MRPS10: variants seen among roughly 807,000 people sequenced by gnomAD.
MRPS10 encodes mitochondrial ribosomal protein S10.
Under a neutral mutation model 27.5 loss-of-function variants are expected in MRPS10, and 23 were observed. That is an observed-to-expected ratio of 0.84 (90% CI 0.60 to 1.18). The LOEUF is 1.18. MRPS10 is among the 50% of genes most tolerant of loss of function. The pLI is 0.00. For synonymous variants in MRPS10, 88 were observed against 84.2 expected, an observed-to-expected ratio of 1.04 and a Z score of -0.25; for missense variants, 237 against 240.1, an observed-to-expected ratio of 0.99 and a Z score of 0.09.
chr6:42,213,009 G>A (rs1236810287), intron 3 of MRPS10, among the ~76,000 whole-genome samples: 1 of 152,184 alleles, frequency 6.6e-6, no homozygotes, highest in African/African-American at 2.4e-5. Flanking sequence ...TTTCCCACAG[G>A]GCAACAAGTG....
chr6:42,208,034 C>T lies in MRPS10; in HGVS notation c.*255G>A. 1 of 459,132 alleles carries T rather than the reference C, an allele frequency of 2.2e-6. No homozygotes were observed. Among genetic ancestry groups the T allele is most frequent in the Admixed American group, 4.4e-5 (1 of 22,480 alleles). The allele number at this position is 459,132 out of a possible 1,614,324, so 28.4% of individuals were successfully genotyped here. Reference sequence around the variant, plus strand: ...GTAGCGTAACAAAATAGAATTTTCACTCTTTCTGCTTTCAGTCAAAGTGGT... The same window carrying T: ...GTAGCGTAACAAAATAGAATTTTCATTCTTTCTGCTTTCAGTCAAAGTGGT... On this transcript the variant is annotated 3_prime_UTR_variant, in exon 7 of 7. Coordinates refer to ENST00000053468, the MANE Select transcript of MRPS10 (RefSeq NM_018141.4).
chr6:42,216,385 A>AGAGAGAGAGTGTGTGTGT, intron 1 of MRPS10, among the ~76,000 whole-genome samples: 1 of 58,698 alleles, frequency 1.7e-5, no homozygotes, highest in African/African-American at 4.4e-5. Flanking sequence ...AGAGAGAGAG[A>AGAGAGAGAGTGTGTGTGT]GTGTGTGTGT....
rs1235211889 is a variant in MRPS10 at position 42,207,924 on chromosome 6, A to T, written c.*365T>A. ...CCTTCTAGGAATCTTAAAAAAAAAT[A>T]AGGGTACGAACACTCCAAGCACTTA... is the stretch of plus-strand genomic sequence containing the variant. On this transcript the variant is annotated 3_prime_UTR_variant, in exon 7 of 7. Coordinates refer to ENST00000053468, the MANE Select transcript of MRPS10 (RefSeq NM_018141.4). The T allele has an allele frequency of 2.2e-5, 4 of 181,176 alleles. No homozygotes were observed. The South Asian group carries it at 3.9e-4, about 17-fold the overall frequency. The allele number at this position is 181,176 out of a possible 1,614,324, so 11.2% of individuals were successfully genotyped here.
chr6:42,210,703 T>A, intron 4 of MRPS10, 107 bp from the exon 5 acceptor site: 1 of 1,449,924 alleles, frequency 6.9e-7, no homozygotes, highest in Non-Finnish European at 9.2e-7. Flanking sequence ...AACTACCATT[T>A]ACAGACTTCC....
At chr6:42,212,066 T>C (rs1320412446) in intron 3 of MRPS10, 149 bp from the exon 4 acceptor site, 1 of 674,450 alleles carries the variant, frequency 1.5e-6, no homozygotes, top group African/African-American at 1.8e-5. Flanking sequence ...CTGAAGTGTC[T>C]AGATACTTTC....
chr6:42,217,101 TCA>T (rs1323975024), intron 1 of MRPS10, among the ~76,000 whole-genome samples: 1 of 152,238 alleles, frequency 6.6e-6, no homozygotes, highest in East Asian at 1.9e-4. Context: ...TGCTCCTTAC[TCA>T]GTTTGTTCAG....
intron 3 of MRPS10, among the ~76,000 whole-genome samples, chr6:42,212,240 G>C (rs1768801201): frequency 6.6e-6 from 1 of 152,202 alleles, no homozygotes; most frequent in African/African-American, 2.4e-5. Context: ...TGCTAGTAAA[G>C]AGCCTGGGCA....
At chr6:42,208,570 C>T (rs1768677538) in intron 6 of MRPS10, among the ~76,000 whole-genome samples, 198 bp from the exon 7 acceptor site, 1 of 152,160 alleles carries the variant, frequency 6.6e-6, no homozygotes, top group African/African-American at 2.4e-5. Flanking sequence ...ATTTGATCCT[C>T]AATGATCTTC....
intron 3 of MRPS10, among the ~76,000 whole-genome samples, chr6:42,213,136 A>G (rs1284740964): frequency 6.6e-6 from 1 of 152,184 alleles, no homozygotes; most frequent in Non-Finnish European, 1.5e-5. Context: ...CTGGGGCTTA[A>G]ATGTACTATC....
chr6:42,210,018 G>C (rs1325702607), intron 5 of MRPS10, among the ~76,000 whole-genome samples: 3 of 152,168 alleles, frequency 2.0e-5, no homozygotes, highest in East Asian at 3.8e-4. Flanking sequence ...CAGCTGTTAA[G>C]AGACAGGACC....
chr6:42,208,032 C>T lies in MRPS10; in HGVS notation c.*257G>A. 1 of 453,162 alleles carries T rather than the reference C, an allele frequency of 2.2e-6. No homozygotes were observed. Among genetic ancestry groups the T allele is most frequent in the South Asian group, 3.0e-5 (1 of 33,712 alleles). 28.1% of individuals were successfully genotyped at this position (453,162 alleles called of 1,614,324 possible). A position where few individuals can be genotyped will look rare whatever the true frequency, so the allele number is the denominator to read the frequency against. ...CAGTAGCGTAACAAAATAGAATTTTCACTCTTTCTGCTTTCAGTCAAAGTG... is the reference window on the plus strand; with the variant it reads ...CAGTAGCGTAACAAAATAGAATTTTTACTCTTTCTGCTTTCAGTCAAAGTG... On this transcript the variant is annotated 3_prime_UTR_variant, in exon 7 of 7. Transcript: ENST00000053468.
chr6:42,216,225 T>C (rs1473987190), intron 1 of MRPS10, among the ~76,000 whole-genome samples: 2 of 151,548 alleles, frequency 1.3e-5, no homozygotes, highest in Non-Finnish European at 2.9e-5. Context: ...AGTTTTGCCA[T>C]GTTAGCCAGG....
chr6:42,208,272 A>C lies in MRPS10; in HGVS notation c.*17T>G, dbSNP rs1768665257. ...ACCCTCATTTCAAATTTAGGCAAAAATGGCCTCCCTGAGGCTTTATGACTT... is the reference window on the plus strand; with the variant it reads ...ACCCTCATTTCAAATTTAGGCAAAACTGGCCTCCCTGAGGCTTTATGACTT... On this transcript the variant is annotated 3_prime_UTR_variant, in exon 7 of 7. Transcript: ENST00000053468. 5 of 1,593,202 alleles carry C rather than the reference A, an allele frequency of 3.1e-6. No homozygotes were observed. The East Asian group carries it at 1.1e-4, about 36-fold the overall frequency.
chr6:42,216,359 TGAGAGA>T (rs373981686), intron 1 of MRPS10, among the ~76,000 whole-genome samples: 2 of 58,186 alleles, frequency 3.4e-5, no homozygotes, highest in Non-Finnish European at 7.7e-5. Context: ...TTGTATTTCT[TGAGAGA>T]GAGAGAGAGA....
At position 42,210,554 on chromosome 6, in the gene MRPS10, T is replaced by C. The variant is rs112315494; in HGVS notation, c.366A>G (p.Gln122=). ...PRKIERFTLL[Q]SVHIYKKHRV... is the part of the protein sequence containing the mutation. The stretch of plus-strand genomic sequence containing the variant: ...TGTGCTTCTTGTAAATATGCACTGA[T>C]TGGAGAAGAGTAAATCGCTCTATTT... The change falls in exon 5 of 7, where the codon CAA becomes CAG. Residue 122 remains glutamine (Q), a synonymous_variant. Transcript: ENST00000053468. 614 of 1,534,572 alleles carry C rather than the reference T, an allele frequency of 4.0e-4. 7 individuals are homozygous for C. The African/African-American group carries it at 7.4e-3, about 18-fold the overall frequency.
At chr6:42,210,407 T>C in intron 5 of MRPS10, 81 bp downstream of exon 5, 3 of 564,514 alleles carry the variant, frequency 5.3e-6, no homozygotes, top group Non-Finnish European at 8.8e-6. Flanking sequence ...GAAGTCAATC[T>C]AGTCAATGTT....
chr6:42,211,039 CAGA>C (rs1382544417), intron 4 of MRPS10, among the ~76,000 whole-genome samples: 1 of 152,166 alleles, frequency 6.6e-6, no homozygotes. Context: ...CTGTTTTTGT[CAGA>C]AGGCCAGACT....
Position 42,210,562 on chromosome 6 carries a change from G to A in MRPS10, c.358C>T (p.Leu120Phe). Residue 120 changes from leucine (L) to phenylalanine (F), a missense_variant, in exon 5 of 7, where the codon CTT becomes TTT. This residue lies in a region of MRPS10 where 11 missense variants were observed against 34.2 expected (regional missense o/e 0.32). Coordinates refer to ENST00000053468, the MANE Select transcript of MRPS10 (RefSeq NM_018141.4). ...TTGTAAATATGCACTGATTGGAGAAGAGTAAATCGCTCTATTTTCCTTGGA... is the reference window on the plus strand; with the variant it reads ...TTGTAAATATGCACTGATTGGAGAAAAGTAAATCGCTCTATTTTCCTTGGA... ...EPPRKIERFTLLQSVHIYKKH... is the reference protein window; with the variant it reads ...EPPRKIERFTFLQSVHIYKKH... 6.6e-7 allele frequency: 1 copy of A among 1,525,674 alleles called. No homozygotes were observed. The highest frequency in any genetic ancestry group is 8.9e-7 in the Non-Finnish European group (1 of 1,120,804). The allele number at this position is 1,525,674 out of a possible 1,614,324, so 94.5% of individuals were successfully genotyped here. A position where few individuals can be genotyped will look rare whatever the true frequency, so the allele number is the denominator to read the frequency against.
At chr6:42,216,381 A>AGTGTGT (rs1171760790) in intron 1 of MRPS10, among the ~76,000 whole-genome samples, 24 of 31,886 alleles carry the variant, frequency 7.5e-4, no homozygotes, top group African/African-American at 1.2e-3. Context: ...AGAGAGAGAG[A>AGTGTGT]GAGAGTGTGT....
Sources: allele counts gnomAD v4.1 joint callset (sites outside exome capture counted in the v4.1 genomes callset), GRCh38; gene constraint gnomAD v4.1.1; regional missense constraint gnomAD v4.1.1; transcripts MANE v1.5; gene names NCBI Gene and HGNC (gene_info 2026-07-23, HGNC 2026-07-21).